Variants in BTBD7 observed in about 807,000 individuals in gnomAD.
BTBD7 encodes the protein BTB domain containing 7, also known as BTB/POZ domain-containing protein 7.
A neutral mutation model predicts 99.9 loss-of-function variants in BTBD7; 38 were observed. That is an observed-to-expected ratio of 0.38 (90% CI 0.29 to 0.50). The LOEUF is 0.50. BTBD7 is among the 20% of genes least tolerant of loss of function. BTBD7 has a pLI of 0.93. For synonymous variants in BTBD7, 520 were observed against 511.4 expected (o/e 1.02, Z -0.23); for missense variants, 1,170 against 1,394.6 (o/e 0.84, Z 2.57).
chr14:93,248,439 G>A (rs2052337357), intron 9 of BTBD7, 37 bp downstream of exon 9: 1 of 1,599,212 alleles, frequency 6.3e-7, no homozygotes, highest in African/African-American at 1.3e-5. Flanking sequence ...TGGTGACTGA[G>A]GCTCCCTATT....
intron 3 of BTBD7, among the ~76,000 whole-genome samples, chr14:93,271,004 T>C (rs1488476207): frequency 2.6e-5 from 4 of 152,218 alleles, no homozygotes; most frequent in Non-Finnish European, 5.9e-5. Flanking sequence ...TTGAGTCACA[T>C]AACCAGTAGG....
chr14:93,300,862 T>C (rs1229599063), intron 1 of BTBD7, among the ~76,000 whole-genome samples: 1 of 149,808 alleles, frequency 6.7e-6, no homozygotes, highest in African/African-American at 2.5e-5. Context: ...GTGATCTATC[T>C]ATCTTGGCTT....
rs1433849387 is a variant in BTBD7 at position 93,242,638 on chromosome 14, A to G, written c.3034T>C (p.Ser1012Pro). Residue 1012 changes from serine to proline, a missense_variant, in exon 11 of 11, where the codon TCC becomes CCC. By Grantham distance (74) the Ser-to-Pro change is moderately conservative. This residue lies in a region of BTBD7 where 495 missense variants were observed against 525.9 expected (regional missense o/e 0.94). Transcript: ENST00000334746. The stretch of plus-strand genomic sequence containing the variant: ...TGTCTGTGTAGATGCCCGTCAGGGG[A>G]AAGTGGATATTCTCTCCTAGCTTCT... ...QEEARREYPL[S>P]PDGHLHRQKN... 1 of 1,613,612 alleles carries G rather than the reference A, an allele frequency of 6.2e-7. No individual in the cohort carries two copies. Among genetic ancestry groups the G allele is most frequent in the South Asian group, 1.1e-5 (1 of 91,050 alleles).
chr14:93,328,555 G>A lies in BTBD7; in HGVS notation c.-107+4265C>T, dbSNP rs569186905. Among the ~76,000 whole-genome samples the A allele has an allele frequency of 2.4e-3, 353 of 145,324 alleles. 1 individual carries two copies. Among genetic ancestry groups the A allele is most frequent in the African/African-American group, 8.5e-3 (339 of 39,668 alleles). ...TGGTAATGCAAAAACCACGTATATG[G>A]TAATAGATATCCACACATAAAGACC... is the stretch of plus-strand genomic sequence containing the variant. On this transcript the variant is annotated intron_variant, in intron 1 of 10. Coordinates refer to ENST00000334746, the MANE Select transcript of BTBD7 (RefSeq NM_001002860.4).
At chr14:93,324,430 A>AATAAAAAAAAAAT (rs1427619487) in intron 1 of BTBD7, among the ~76,000 whole-genome samples, 3 of 152,096 alleles carry the variant, frequency 2.0e-5, no homozygotes, top group East Asian at 1.9e-4. Context: ...TCAAAAAAAA[A>AATAAAAAAAAAAT]AAAAAGAGAT....
intron 3 of BTBD7, chr14:93,288,312 GT>G (rs1360050156): frequency 1.7e-6 from 1 of 591,852 alleles, no homozygotes; most frequent in African/African-American, 1.9e-5. Flanking sequence ...GAATACTCTA[GT>G]TTTATTTGTC....
At chr14:93,244,866 T>TC (rs1047728043) in intron 10 of BTBD7, among the ~76,000 whole-genome samples, 5 of 148,288 alleles carry the variant, frequency 3.4e-5, no homozygotes, top group African/African-American at 1.0e-4. Flanking sequence ...TTTTTTTTTT[T>TC]TTTTTTTTTT....
chr14:93,279,168 A>G (rs1209237665), intron 3 of BTBD7, among the ~76,000 whole-genome samples: 1 of 152,158 alleles, frequency 6.6e-6, no homozygotes, highest in Non-Finnish European at 1.5e-5. Context: ...AGGCCACAAG[A>G]TTTATGATAG....
chr14:93,275,253 G>A (rs2052642073), intron 3 of BTBD7, among the ~76,000 whole-genome samples: 1 of 152,144 alleles, frequency 6.6e-6, no homozygotes. Flanking sequence ...TGACAGACTG[G>A]ACAATCCTAA....
intron 3 of BTBD7, among the ~76,000 whole-genome samples, chr14:93,266,936 G>T (rs2052549115): frequency 6.6e-6 from 1 of 152,178 alleles, no homozygotes; most frequent in Admixed American, 6.5e-5. Context: ...GTCATTTTAT[G>T]ACGAGCCTTT....
In BTBD7 at chr14:93,246,346, T is replaced by C. The variant is rs2052310873; in HGVS notation, c.2122-60A>G. 1.0e-5 allele frequency: 15 copies of C among 1,445,400 alleles called. No individual in the cohort carries two copies. In the South Asian group the frequency reaches 2.1e-4, roughly 20 times the overall value. The allele number at this position is 1,445,400 out of a possible 1,614,324, so 89.5% of individuals were successfully genotyped here. A position where few individuals can be genotyped will look rare whatever the true frequency, so the allele number is the denominator to read the frequency against. ...TATTAGCAGATTTCATAAGTGGAAA[T>C]TTATAGGCTGAGAGAATTAAGTGAG... On this transcript the variant is annotated intron_variant, in intron 9 of 10. Coordinates refer to ENST00000334746, the MANE Select transcript of BTBD7 (RefSeq NM_001002860.4).
chr14:93,302,255 TCTTTGTATGACTAAAGC>T (rs1163843434), intron 1 of BTBD7, among the ~76,000 whole-genome samples: 1 of 152,196 alleles, frequency 6.6e-6, no homozygotes, highest in Non-Finnish European at 1.5e-5. Flanking sequence ...ATGGCTATTT[TCTTTGTATGACTAAAGC>T]CTTGGGATTA....
intron 1 of BTBD7, among the ~76,000 whole-genome samples, chr14:93,321,636 C>A (rs556908368): frequency 6.6e-6 from 1 of 152,136 alleles, no homozygotes; most frequent in African/African-American, 2.4e-5. Flanking sequence ...CATAGTGGGG[C>A]AAACTGTTGA....
In BTBD7 at chr14:93,294,804, C is replaced by T. The variant is rs2052904804; in HGVS notation, c.216G>A (p.Lys72=). The T allele has an allele frequency of 6.2e-7, 1 of 1,613,974 alleles. No individual in the cohort carries two copies. Among genetic ancestry groups the T allele is most frequent in the Admixed American group, 1.7e-5 (1 of 59,990 alleles). ...CGGCAGACCTATTAGATTTCCGACG[C>T]TTAATAAACTTCTTTTTGAGGGTGG... ...GLATLKKKFI[K]RRKSNRSADH... is the part of the protein sequence containing the mutation. The change falls in exon 3 of 11, where the codon AAG becomes AAA. Residue 72 remains lysine (K), a synonymous_variant. Coordinates refer to ENST00000334746, the MANE Select transcript of BTBD7 (RefSeq NM_001002860.4).
intron 1 of BTBD7, among the ~76,000 whole-genome samples, chr14:93,314,333 TC>T (rs1271340364): frequency 6.6e-6 from 1 of 152,180 alleles, no homozygotes. Flanking sequence ...GATATGACTA[TC>T]TTATTTATGA....
At chr14:93,314,601 T>C (rs1231925272) in intron 1 of BTBD7, among the ~76,000 whole-genome samples, 1 of 152,196 alleles carries the variant, frequency 6.6e-6, no homozygotes, top group Non-Finnish European at 1.5e-5. Flanking sequence ...TTTTCAATAT[T>C]ATAAATAGCA....
chr14:93,323,527 A>G (rs1418364331), intron 1 of BTBD7, among the ~76,000 whole-genome samples: 1 of 152,214 alleles, frequency 6.6e-6, no homozygotes, highest in Non-Finnish European at 1.5e-5. Flanking sequence ...GGTCTTAAGC[A>G]AGCAAAAAAT....
At chr14:93,249,378 T>C (rs1463209726) in intron 8 of BTBD7, among the ~76,000 whole-genome samples, 4 of 141,118 alleles carry the variant, frequency 2.8e-5, no homozygotes, top group African/African-American at 8.2e-5. Flanking sequence ...GAACTTAGGG[T>C]TCAGAGCTGT....
chr14:93,241,026 A>G lies in BTBD7; in HGVS notation c.*1247T>C, dbSNP rs1229035827. The G allele has an allele frequency of 6.6e-6, 1 of 152,196 alleles. No homozygotes were observed. The highest frequency in any genetic ancestry group is 1.5e-5 in the Non-Finnish European group (1 of 68,036). The allele number at this position is 152,196 out of a possible 1,614,324, so 9.4% of individuals were successfully genotyped here. A position where few individuals can be genotyped will look rare whatever the true frequency, so the allele number is the denominator to read the frequency against. ...ACTGAAGCCCTTTTGTTTTTTTCCC[A>G]TAGAGAGCAAGACAATTAAAGGCAG... On this transcript the variant is annotated 3_prime_UTR_variant, in exon 11 of 11. Coordinates refer to ENST00000334746, the MANE Select transcript of BTBD7 (RefSeq NM_001002860.4).
Sources: gnomAD v4.1 joint callset for allele counts (sites outside exome capture counted in the v4.1 genomes callset) on GRCh38, gnomAD v4.1.1 for gene constraint, gnomAD v4.1.1 regional missense constraint, MANE v1.5 for transcripts, NCBI Gene and HGNC (gene_info 2026-07-23, HGNC 2026-07-21) for gene names.